TOX2: variants seen among roughly 807,000 people sequenced by gnomAD.
The protein encoded by TOX2 is granulosa cell HMG box 1.
In TOX2, 15 loss-of-function variants were observed where a neutral mutation model predicts 47.4. The observed-to-expected ratio is 0.32, with a 90% confidence interval of 0.21 to 0.49. TOX2 has a LOEUF of 0.49. TOX2 is among the 20% of genes least tolerant of loss of function. TOX2 has a pLI of 0.99. For synonymous variants in TOX2, 290 were observed against 296.6 expected, an observed-to-expected ratio of 0.98 and a Z score of 0.23; for missense variants, 622 against 673.1, an observed-to-expected ratio of 0.92 and a Z score of 0.84.
At chr20:43,932,509 T>C (rs1296431988) in intron 1 of TOX2, among the ~76,000 whole-genome samples, 1 of 152,180 alleles carries the variant, frequency 6.6e-6, no homozygotes, top group Non-Finnish European at 1.5e-5. Context: ...TTAGGACGAT[T>C]AGCAAAAGGT....
rs1215551299 is a variant in TOX2 at position 44,057,230 on chromosome 20, T to C, written c.879+2704T>C. Reference sequence around the variant, plus strand: ...GCCACTATATCCAGCCATATCTCCTTATTTTGTCTCCTCACTTCTCAGATT... The same window carrying C: ...GCCACTATATCCAGCCATATCTCCTCATTTTGTCTCCTCACTTCTCAGATT... On this transcript the variant is annotated intron_variant, in intron 5 of 8. Transcript: ENST00000341197. Among the ~76,000 whole-genome samples the C allele has an allele frequency of 2.0e-5, 3 of 152,306 alleles. No homozygotes were observed. The East Asian group carries it at 5.8e-4, about 29-fold the overall frequency.
At chr20:43,975,925 T>G (rs1268107025) in intron 2 of TOX2, among the ~76,000 whole-genome samples, 1 of 152,124 alleles carries the variant, frequency 6.6e-6, no homozygotes, top group Non-Finnish European at 1.5e-5. Flanking sequence ...TCTCTGAACT[T>G]CAATGTCCCT....
chr20:43,993,192 C>G (rs1481168460), intron 2 of TOX2, among the ~76,000 whole-genome samples: 3 of 147,596 alleles, frequency 2.0e-5, no homozygotes, highest in African/African-American at 7.8e-5. Flanking sequence ...GGGTTTCACA[C>G]ACACTGTATC....
At chr20:43,938,742 G>C (rs1185932602) in intron 1 of TOX2, among the ~76,000 whole-genome samples, 1 of 152,194 alleles carries the variant, frequency 6.6e-6, no homozygotes, top group Non-Finnish European at 1.5e-5. Flanking sequence ...ACTGGCTTTA[G>C]CTGAACTGGA....
At chr20:43,934,885 T>G (rs959538401) in intron 1 of TOX2, among the ~76,000 whole-genome samples, 2 of 151,870 alleles carry the variant, frequency 1.3e-5, no homozygotes, top group African/African-American at 2.4e-5. Flanking sequence ...GTAGACCATT[T>G]TTTGGACATT....
intron 3 of TOX2, among the ~76,000 whole-genome samples, chr20:44,034,682 T>G (rs990706504): frequency 2.0e-5 from 3 of 152,188 alleles, no homozygotes; most frequent in Admixed American, 2.0e-4. Flanking sequence ...AGGTCTAGAC[T>G]TCCAGGCTGG....
intron 1 of TOX2, among the ~76,000 whole-genome samples, chr20:43,921,822 C>T (rs2069115558): frequency 6.6e-6 from 1 of 152,190 alleles, no homozygotes; most frequent in African/African-American, 2.4e-5. Flanking sequence ...CCACTTCTGG[C>T]CCTGGGCTGC....
chr20:44,055,159 C>G (rs1320937832), intron 5 of TOX2, among the ~76,000 whole-genome samples: 1 of 152,202 alleles, frequency 6.6e-6, no homozygotes, highest in Non-Finnish European at 1.5e-5. Flanking sequence ...GTGACTCACC[C>G]AGGGTCACCA....
In TOX2 at chr20:44,065,297, A is replaced by G. The variant is rs142215513; in HGVS notation, c.961-415A>G. 6.8e-3 allele frequency among the ~76,000 whole-genome samples: 1,039 copies of G among 152,306 alleles called. 4 individuals carry two copies. The highest frequency in any genetic ancestry group is 0.011 in the Non-Finnish European group (741 of 68,026). On this transcript the variant is annotated intron_variant, in intron 6 of 8. Transcript: ENST00000341197. ...AAGTGTGGCTGCGGATGCGTGGCCCAAGTGGAGGTGGGTGTTGTTCCTGGT... is the reference window on the plus strand; with the variant it reads ...AAGTGTGGCTGCGGATGCGTGGCCCGAGTGGAGGTGGGTGTTGTTCCTGGT...
chr20:44,066,228 C>A, intron 7 of TOX2, 121 bp downstream of exon 7: 2 of 1,081,778 alleles, frequency 1.8e-6, no homozygotes, highest in Non-Finnish European at 2.6e-6. Context: ...GGCACCTGAC[C>A]TCTCTGAGCC....
At chr20:44,000,317 C>T (rs772360145) in intron 2 of TOX2, among the ~76,000 whole-genome samples, 2 of 152,044 alleles carry the variant, frequency 1.3e-5, no homozygotes, top group African/African-American at 4.8e-5. Flanking sequence ...TCATCCAGGG[C>T]AAAGAGGGTG....
At position 43,915,642 on chromosome 20, in the gene TOX2, G is replaced by A. The variant is rs1171915020; in HGVS notation, c.99+652G>A. ...CACACCCAGGGACGGCCACACCTCG[G>A]TCATCCACACTCGCGCGTCGAGGTT... On this transcript the variant is annotated intron_variant, in intron 1 of 8. Coordinates refer to ENST00000341197, the MANE Select transcript of TOX2 (RefSeq NM_001098797.2). The surrounding 1 kb of genome is among the most constrained non-coding windows in gnomAD (Gnocchi z 7.1). Among the ~76,000 whole-genome samples, 1 of 152,218 alleles carries A rather than the reference G, an allele frequency of 6.6e-6. No individual in the cohort carries two copies. Among genetic ancestry groups the A allele is most frequent in the Non-Finnish European group, 1.5e-5 (1 of 68,034 alleles).
At chr20:43,923,808 G>A (rs774890997) in intron 1 of TOX2, among the ~76,000 whole-genome samples, 2 of 152,168 alleles carry the variant, frequency 1.3e-5, no homozygotes, top group Non-Finnish European at 2.9e-5. Flanking sequence ...GGTGAGGTGG[G>A]CGGAAGGGGT....
chr20:43,984,906 C>CCCAG (rs1293103976), intron 2 of TOX2, among the ~76,000 whole-genome samples: 1 of 152,094 alleles, frequency 6.6e-6, no homozygotes, highest in Non-Finnish European at 1.5e-5. Flanking sequence ...CCTTCCCCCT[C>CCCAG]CCAGCCACCT....
chr20:44,040,695 C>T (rs1199065800), intron 3 of TOX2, among the ~76,000 whole-genome samples: 1 of 152,196 alleles, frequency 6.6e-6, no homozygotes, highest in Non-Finnish European at 1.5e-5. Context: ...CCTCCTCTTC[C>T]TCTTTCTCTT....
intron 1 of TOX2, among the ~76,000 whole-genome samples, chr20:43,938,524 G>T (rs2069358953): frequency 6.6e-6 from 1 of 152,212 alleles, no homozygotes; most frequent in Admixed American, 6.5e-5. Context: ...GATACTGCTG[G>T]ATGTGGGCAC....
chr20:43,922,520 AG>A (rs2069122753), intron 1 of TOX2, among the ~76,000 whole-genome samples: 2 of 152,202 alleles, frequency 1.3e-5, no homozygotes, highest in South Asian at 2.1e-4. Context: ...CTGTATCCAC[AG>A]GGTTGACAGT....
chr20:43,966,431 G>C (rs1446830561), intron 1 of TOX2, among the ~76,000 whole-genome samples: 1 of 151,804 alleles, frequency 6.6e-6, no homozygotes, highest in Non-Finnish European at 1.5e-5. Flanking sequence ...GAAAGGGAGA[G>C]TGTTCCAGGC....
intron 1 of TOX2, chr20:43,945,856 C>G: frequency 6.3e-7 from 1 of 1,599,912 alleles, no homozygotes; most frequent in Non-Finnish European, 8.5e-7. Flanking sequence ...CAAGAGTTGT[C>G]AGGAGGGCTT....
Sources: allele counts gnomAD v4.1 joint callset (sites outside exome capture counted in the v4.1 genomes callset), GRCh38; gene constraint gnomAD v4.1.1; non-coding constraint Gnocchi (gnomAD v3.1); transcripts MANE v1.5; gene names NCBI Gene and HGNC (gene_info 2026-07-23, HGNC 2026-07-21).